Variants in SBNO2 observed in about 807,000 individuals in gnomAD.
The protein encoded by SBNO2 is protein strawberry notch homolog 2.
A neutral mutation model predicts 146.3 loss-of-function variants in SBNO2; 89 were observed. That is an observed-to-expected ratio of 0.61 (90% CI 0.51 to 0.73). The LOEUF is 0.73. Ranked by LOEUF, SBNO2 falls within the 30% of genes least tolerant of loss-of-function variation. The probability of loss-of-function intolerance (pLI) is 0.00; values close to 1 mark genes in which losing one functional copy is unlikely to be tolerated. For missense variants in SBNO2, 2,092 were observed against 2,003.7 expected, an observed-to-expected ratio of 1.04 and a Z score of -0.84; for synonymous variants, 1,147 against 892.6, an observed-to-expected ratio of 1.29 and a Z score of -5.08.
At chr19:1,141,650 C>T (rs145277512) in intron 4 of SBNO2, among the ~76,000 whole-genome samples, 1,994 of 151,948 alleles carry the variant, frequency 0.013, 28 homozygotes, top group Non-Finnish European at 0.021. Flanking sequence ...GGGCCCTCCA[C>T]GCATCCATCA....
At chr19:1,123,665 GA>G (rs772347881) in intron 6 of SBNO2, 26 bp from the exon 7 acceptor site, 31 of 1,594,004 alleles carry the variant, frequency 1.9e-5, no homozygotes, top group Non-Finnish European at 2.5e-5. Context: ...GAGCTCAGCG[GA>G]GACTGCAGGC....
At chr19:1,156,244 C>T (rs927084287) in intron 1 of SBNO2, among the ~76,000 whole-genome samples, 1 of 152,154 alleles carries the variant, frequency 6.6e-6, no homozygotes, top group Non-Finnish European at 1.5e-5. Flanking sequence ...CCCTTCCAGG[C>T]GGCAACCCCA....
At position 1,150,199 on chromosome 19, in the gene SBNO2, TC is replaced by T. The variant is rs942610941; in HGVS notation, c.94-758del. On this transcript the variant is annotated intron_variant, in intron 2 of 31. Coordinates refer to ENST00000361757, the MANE Select transcript of SBNO2 (RefSeq NM_014963.3). The surrounding 1 kb of genome is among the most constrained non-coding windows in gnomAD (Gnocchi z 6.2). ...CACCCCATGGTTCTCTGGGAAAACC[TC>T]ACTATGCCTGCCCTTGGGAATGAGA... Among the ~76,000 whole-genome samples, 6 of 152,160 alleles carry T rather than the reference TC, an allele frequency of 3.9e-5. No individual in the cohort carries two copies. The highest frequency in any genetic ancestry group is 3.3e-4 in the Admixed American group (5 of 15,294).
Position 1,113,493 on chromosome 19 carries a change from C to T in SBNO2, c.2247+42G>A, listed in dbSNP as rs545113507. ...CCTGCGTGAAGCCCCACCCACTGCCCATGCCCCGCCCACCACACTCCAGCT... is the reference window on the plus strand; with the variant it reads ...CCTGCGTGAAGCCCCACCCACTGCCTATGCCCCGCCCACCACACTCCAGCT... On this transcript the variant is annotated intron_variant, in intron 19 of 31. Coordinates refer to ENST00000361757, the MANE Select transcript of SBNO2 (RefSeq NM_014963.3). 13 of 1,526,648 alleles carry T rather than the reference C, an allele frequency of 8.5e-6. No individual in the cohort carries two copies. The South Asian group carries it at 1.4e-4, about 16-fold the overall frequency. 94.6% of individuals were successfully genotyped at this position (1,526,648 alleles called of 1,614,324 possible).
intron 2 of SBNO2, among the ~76,000 whole-genome samples, chr19:1,151,644 G>C (rs1330740000): frequency 1.3e-5 from 2 of 151,940 alleles, no homozygotes; most frequent in African/African-American, 4.8e-5. Flanking sequence ...CAGACAATCA[G>C]AGCCTGCCTG....
At chr19:1,113,377 C>T (rs1003561023) in intron 19 of SBNO2, among the ~76,000 whole-genome samples, 158 bp downstream of exon 19, 3 of 152,166 alleles carry the variant, frequency 2.0e-5, no homozygotes, top group Non-Finnish European at 2.9e-5. Context: ...CTGGACAGCA[C>T]GCTGCTGCCC....
intron 1 of SBNO2, among the ~76,000 whole-genome samples, chr19:1,163,928 G>C (rs865856475): frequency 6.6e-6 from 1 of 152,184 alleles, no homozygotes; most frequent in East Asian, 1.9e-4. Flanking sequence ...CATACCCCAG[G>C]AGCCCACGTG....
rs748452346 is a variant in SBNO2, at chr19:1,108,834, G to A, written c.3561C>T (p.Ser1187=). ...RIAAVMADVS[S]SSYLQIVRLK... ...GCCGCACGATCTGCAGGTAGCTGCT[G>A]CTGCTGACGTCGGCCATGACGGCGG... Residue 1187 remains serine, a synonymous_variant, in exon 31 of 32, where the codon AGC becomes AGT. Transcript: ENST00000361757. 2 of 1,601,722 alleles carry A rather than the reference G, an allele frequency of 1.2e-6. No homozygotes were observed. Among genetic ancestry groups the A allele is most frequent in the Admixed American group, 3.3e-5 (2 of 59,864 alleles).
Position 1,124,009 on chromosome 19 carries a change from C to T in SBNO2, c.455G>A (p.Ser152Asn), listed in dbSNP as rs778965558. Residue 152 changes from serine to asparagine, a missense_variant, in exon 6 of 32, where the codon AGC becomes AAC. Coordinates refer to ENST00000361757, the MANE Select transcript of SBNO2 (RefSeq NM_014963.3). ...GTCCTCGAAGCCTGCAAACGGCCTG[C>T]TGAGCTGGAACAGCTGGAAGGGGAG... is the stretch of plus-strand genomic sequence containing the variant. The part of the protein sequence containing the change: ...PSTHDKLFQL[S>N]RPFAGFEDFL... 1.2e-6 allele frequency: 2 copies of T among 1,611,436 alleles called. No homozygotes were observed. The highest frequency in any genetic ancestry group is 4.5e-5 in the East Asian group (2 of 44,872).
At position 1,172,352 on chromosome 19, in the gene SBNO2, C is replaced by A. The variant is rs1410538220; in HGVS notation, c.-127+1820G>T. On this transcript the variant is annotated intron_variant, in intron 1 of 31. Transcript: ENST00000361757. Reference sequence around the variant, plus strand: ...TTCTCGGCAAGAACTCTGAAGGTGGCCCGGAGCAGGCCACTGTGAGAAGCC... The same window carrying A: ...TTCTCGGCAAGAACTCTGAAGGTGGACCGGAGCAGGCCACTGTGAGAAGCC... 3.9e-5 allele frequency among the ~76,000 whole-genome samples: 6 copies of A among 152,210 alleles called. No individual in the cohort carries two copies. The East Asian group carries it at 1.2e-3, about 29-fold the overall frequency.
chr19:1,172,782 C>A (rs974925837), intron 1 of SBNO2, among the ~76,000 whole-genome samples: 1 of 84,414 alleles, frequency 1.2e-5, no homozygotes, highest in Non-Finnish European at 2.4e-5. Context: ...GCAACCGCCC[C>A]CCCCGCCCCG....
chr19:1,132,989 C>CGCAAG (rs1283428437), intron 4 of SBNO2, among the ~76,000 whole-genome samples: 1 of 152,236 alleles, frequency 6.6e-6, no homozygotes, highest in Non-Finnish European at 1.5e-5. Flanking sequence ...CCGCCCGCGG[C>CGCAAG]CACACTCTTG....
At position 1,110,239 on chromosome 19, in the gene SBNO2, C is replaced by T. The variant is rs1361715488; in HGVS notation, c.3029-462G>A. Among the ~76,000 whole-genome samples the T allele has an allele frequency of 6.6e-6, 1 of 152,150 alleles. No individual in the cohort carries two copies. The highest frequency in any genetic ancestry group is 2.4e-5 in the African/African-American group (1 of 41,426). On this transcript the variant is annotated intron_variant, in intron 26 of 31. Transcript: ENST00000361757. This position sits in a 1 kb window ranked among gnomAD's most constrained non-coding sequence, Gnocchi z 4.9. ...GTAGCCATGGCCCGGACCCGACCCT[C>T]ATCTGGACACAGGGAAGTGGTCCTG...
intron 14 of SBNO2, among the ~76,000 whole-genome samples, chr19:1,118,078 G>A (rs952176458): frequency 2.6e-5 from 4 of 152,266 alleles, no homozygotes; most frequent in African/African-American, 9.6e-5. Context: ...GCTCACGCCT[G>A]TAATCACAGC....
intron 1 of SBNO2, among the ~76,000 whole-genome samples, chr19:1,164,639 G>GAAC (rs1377278744): frequency 6.8e-6 from 1 of 146,754 alleles, no homozygotes. Context: ...GGAGGAGGAG[G>GAAC]AGGAGGAACA....
At chr19:1,128,395 T>TC in intron 4 of SBNO2, 1 of 300,944 alleles carries the variant, frequency 3.3e-6, no homozygotes, top group South Asian at 2.4e-5. Context: ...GTACATCATT[T>TC]CATTTTTTTT....
Position 1,109,418 on chromosome 19 carries a change from G to C in SBNO2, c.3222C>G (p.Arg1074=). The C allele has an allele frequency of 6.4e-7, 1 of 1,564,076 alleles. No homozygotes were observed. Among genetic ancestry groups the C allele is most frequent in the Non-Finnish European group, 8.7e-7 (1 of 1,155,338 alleles). ...CCAGCAGGCAGCTGGGCTTGTTACC[G>C]CGGACCTGCGGAGGGGGGCGTTGAG... The part of the protein sequence containing the change: ...YDGFYLSYKV[R]GNKPSCLLAE... The change falls in exon 29 of 32, where the codon CGC becomes CGG. Residue 1074 remains arginine, a synonymous_variant. Coordinates refer to ENST00000361757, the MANE Select transcript of SBNO2 (RefSeq NM_014963.3). The surrounding 1 kb of genome is among the most constrained non-coding windows in gnomAD (Gnocchi z 4.2).
chr19:1,172,188 T>A (rs1371464615), intron 1 of SBNO2, among the ~76,000 whole-genome samples: 1 of 152,170 alleles, frequency 6.6e-6, no homozygotes, highest in African/African-American at 2.4e-5. Context: ...GGCAGGCGCC[T>A]TCCAAGTCCT....
intron 1 of SBNO2, among the ~76,000 whole-genome samples, chr19:1,167,230 T>C (rs144520270): frequency 1.3e-5 from 2 of 152,332 alleles, no homozygotes; most frequent in Non-Finnish European, 2.9e-5. Context: ...GGGCCCGAAA[T>C]CACAGAAGCA....
Sources: gnomAD v4.1 joint callset for allele counts (sites outside exome capture counted in the v4.1 genomes callset) on GRCh38, gnomAD v4.1.1 for gene constraint, Gnocchi (gnomAD v3.1) non-coding constraint, MANE v1.5 for transcripts, NCBI Gene and HGNC (gene_info 2026-07-23, HGNC 2026-07-21) for gene names.